ELAVL4: variants seen among roughly 807,000 people sequenced by gnomAD.
The protein encoded by ELAVL4 is ELAV like RNA binding protein 4.
Under a neutral mutation model 35.6 loss-of-function variants are expected in ELAVL4, and 1 was observed. The ratio of observed to expected loss-of-function variants is 0.03; its 90% CI spans 0.01 to 0.13. ELAVL4 has a LOEUF of 0.13. Ranked by LOEUF, ELAVL4 falls within the 10% of genes least tolerant of loss-of-function variation. The pLI, the probability that ELAVL4 is intolerant of heterozygous loss-of-function variation, is 1.00. For missense variants in ELAVL4, 267 were observed against 464.9 expected (o/e 0.57, Z 3.91); for synonymous variants, 156 against 171.0 (o/e 0.91, Z 0.69).
chr1:50,133,609 A>AAGAAAGAC (rs1671290141), intron 1 of ELAVL4, among the ~76,000 whole-genome samples: 1 of 135,674 alleles, frequency 7.4e-6, no homozygotes, highest in Non-Finnish European at 1.5e-5. Flanking sequence ...AAAAGAAAGA[A>AAGAAAGAC]AGAAAGAAAG....
intron 1 of ELAVL4, among the ~76,000 whole-genome samples, chr1:50,080,173 A>G (rs1664944578): frequency 6.6e-6 from 1 of 152,170 alleles, no homozygotes; most frequent in Non-Finnish European, 1.5e-5. Context: ...AACATTAACA[A>G]TTCCCATCAA....
At chr1:50,099,377 A>G (rs1049758375), upstream of ELAVL4, among the ~76,000 whole-genome samples, 9 of 152,206 alleles carry the variant, frequency 5.9e-5, no homozygotes, top group African/African-American at 9.6e-5. Context: ...CCTGACCAAC[A>G]TGGAGAAATC....
chr1:50,165,204 C>G (rs868284389), intron 2 of ELAVL4, among the ~76,000 whole-genome samples: 1 of 152,070 alleles, frequency 6.6e-6, no homozygotes, highest in South Asian at 2.1e-4. Flanking sequence ...TTCACTTGTG[C>G]CACTGCTCCA....
At chr1:50,127,724 A>G (rs983282806) in intron 1 of ELAVL4, among the ~76,000 whole-genome samples, 1 of 152,116 alleles carries the variant, frequency 6.6e-6, no homozygotes, top group Non-Finnish European at 1.5e-5. Context: ...CCCAAGTTAC[A>G]TTTGGAAAAC....
At chr1:50,199,979 A>G (rs1644304150) in intron 6 of ELAVL4, among the ~76,000 whole-genome samples, 1 of 152,196 alleles carries the variant, frequency 6.6e-6, no homozygotes, top group African/African-American at 2.4e-5. Flanking sequence ...GCAAATAACA[A>G]TTCTATGCTT....
chr1:50,122,987 GC>G (rs1194257493), intron 1 of ELAVL4, among the ~76,000 whole-genome samples: 8 of 151,976 alleles, frequency 5.3e-5, no homozygotes, highest in African/African-American at 1.7e-4. Context: ...AGGAGACATG[GC>G]CCCCCGTCCT....
intron 1 of ELAVL4, among the ~76,000 whole-genome samples, chr1:50,068,291 A>G (rs1333490843): frequency 7.9e-5 from 12 of 152,182 alleles, no homozygotes; most frequent in Admixed American, 7.9e-4. Context: ...TCTTCATGCA[A>G]GAGCAGTCCA....
chr1:50,082,986 G>A (rs1469567547), intron 1 of ELAVL4, among the ~76,000 whole-genome samples: 1 of 152,138 alleles, frequency 6.6e-6, no homozygotes, highest in Non-Finnish European at 1.5e-5. Context: ...ATTACCCTGG[G>A]ATTTTGACCT....
At chr1:50,158,719 A>G (rs988157809) in intron 2 of ELAVL4, among the ~76,000 whole-genome samples, 2 of 152,160 alleles carry the variant, frequency 1.3e-5, no homozygotes, top group Non-Finnish European at 2.9e-5. Context: ...CAAATCATAG[A>G]CTGTCACAGT....
intron 1 of ELAVL4, among the ~76,000 whole-genome samples, chr1:50,139,246 G>A (rs1195408801): frequency 1.3e-5 from 2 of 152,146 alleles, no homozygotes; most frequent in African/African-American, 4.8e-5. Context: ...GGGACCTACC[G>A]ATTGTTAGGC....
chr1:50,113,447 G>A (rs1238959665), intron 1 of ELAVL4, among the ~76,000 whole-genome samples: 1 of 152,058 alleles, frequency 6.6e-6, no homozygotes, highest in East Asian at 1.9e-4. Flanking sequence ...ATCATACATA[G>A]ACGAAAGTAC....
chr1:50,174,829 A>T (rs1044300229), intron 2 of ELAVL4: 3 of 152,184 alleles, frequency 2.0e-5, no homozygotes, highest in African/African-American at 7.2e-5. Flanking sequence ...TTTTAGAAAG[A>T]TGGATAGTGT....
At chr1:50,185,256 T>C (rs1008055471) in intron 3 of ELAVL4, among the ~76,000 whole-genome samples, 1 of 152,240 alleles carries the variant, frequency 6.6e-6, no homozygotes, top group Non-Finnish European at 1.5e-5. Context: ...AAAAGAGCTC[T>C]GAGTTCAGAT....
intron 1 of ELAVL4, among the ~76,000 whole-genome samples, chr1:50,143,292 C>T (rs1673131031): frequency 6.6e-6 from 1 of 152,200 alleles, no homozygotes; most frequent in Admixed American, 6.5e-5. Context: ...CCTAAATCCT[C>T]TGAGCAGGCA....
chr1:50,138,025 T>C (rs1484977386), intron 1 of ELAVL4, among the ~76,000 whole-genome samples: 1 of 152,314 alleles, frequency 6.6e-6, no homozygotes. Context: ...TCTATTCTTT[T>C]CCTTTTGACT....
intron 1 of ELAVL4, among the ~76,000 whole-genome samples, chr1:50,118,194 T>A (rs187508502): frequency 1.3e-5 from 2 of 152,146 alleles, no homozygotes; most frequent in East Asian, 3.9e-4. Flanking sequence ...AGAAACCAAC[T>A]TACTTCAGAT....
chr1:50,194,720 A>C (rs369039056), intron 4 of ELAVL4, among the ~76,000 whole-genome samples: 26 of 152,164 alleles, frequency 1.7e-4, no homozygotes, highest in East Asian at 5.8e-4. Flanking sequence ...AGAAGCTGTC[A>C]AGTGCCCCTG....
intron 1 of ELAVL4, among the ~76,000 whole-genome samples, chr1:50,133,452 A>G (rs967812226): frequency 2.6e-5 from 4 of 152,046 alleles, no homozygotes. Flanking sequence ...CTACCTTCCC[A>G]GGGAATGTTT....
chr1:50,072,650 C>T (rs1342495950), intron 1 of ELAVL4, among the ~76,000 whole-genome samples: 1 of 152,204 alleles, frequency 6.6e-6, no homozygotes, highest in African/African-American at 2.4e-5. Context: ...AGGTCCTTCA[C>T]ATCTGTGGTC....
Sources: gnomAD v4.1 joint callset for allele counts (sites outside exome capture counted in the v4.1 genomes callset) on GRCh38, gnomAD v4.1.1 for gene constraint, MANE v1.5 for transcripts, NCBI Gene and HGNC (gene_info 2026-07-23, HGNC 2026-07-21) for gene names.